The following SHB variants were observed in gnomAD, a reference collection of about 807,000 sequenced individuals.
SHB encodes SH2 domain containing adaptor protein B.
In SHB, 20 loss-of-function variants were observed where a neutral mutation model predicts 52.3. The ratio of observed to expected loss-of-function variants is 0.38; its 90% CI spans 0.27 to 0.56. SHB has a LOEUF of 0.56. Ranked by LOEUF, SHB falls within the 20% of genes least tolerant of loss-of-function variation. SHB has a pLI of 0.71. For missense variants in SHB, 825 were observed against 723.3 expected (o/e 1.14, Z -1.61); for synonymous variants, 397 against 316.5 (o/e 1.25, Z -2.70).
rs533918232 is a variant in SHB at position 38,029,553 on chromosome 9, G to A, written c.718-13422C>T. ...GTTGCCCAGGGTGAAGTGCAATGGC[G>A]TGATCTAGGCTCACTGCAACCTCCA... On this transcript the variant is annotated intron_variant, in intron 1 of 5. Coordinates refer to ENST00000377707, the MANE Select transcript of SHB (RefSeq NM_003028.3). Among the ~76,000 whole-genome samples, 3 of 151,820 alleles carry A rather than the reference G, an allele frequency of 2.0e-5. No homozygotes were observed. In the East Asian group the frequency reaches 5.8e-4, roughly 29 times the overall value.
intron 2 of SHB, among the ~76,000 whole-genome samples, chr9:37,988,765 CT>C (rs1260969393): frequency 1.3e-5 from 2 of 152,230 alleles, no homozygotes; most frequent in African/African-American, 2.4e-5. Flanking sequence ...TTGCACACCC[CT>C]CCTTGTTGGT....
At chr9:37,941,196 T>A (rs1254222344) in intron 5 of SHB, among the ~76,000 whole-genome samples, 1 of 152,090 alleles carries the variant, frequency 6.6e-6, no homozygotes, top group Non-Finnish European at 1.5e-5. Flanking sequence ...CCCAGACAAT[T>A]TGCAATGCAC....
intron 1 of SHB, among the ~76,000 whole-genome samples, chr9:38,027,278 C>G (rs78179028): frequency 6.8e-4 from 104 of 152,314 alleles, no homozygotes; most frequent in African/African-American, 2.2e-3. Flanking sequence ...CTATGGAGCT[C>G]TACTTTCTCT....
At chr9:37,925,650 C>G (rs781521399) in intron 5 of SHB, among the ~76,000 whole-genome samples, 1 of 152,238 alleles carries the variant, frequency 6.6e-6, no homozygotes, top group Admixed American at 6.5e-5. Context: ...TACTCAGGCT[C>G]TAAGTGGCTG....
intron 1 of SHB, among the ~76,000 whole-genome samples, chr9:38,044,664 TAG>T (rs1160851992): frequency 4.6e-5 from 7 of 152,240 alleles, no homozygotes; most frequent in Non-Finnish European, 1.5e-5. Context: ...GCCTAAAATG[TAG>T]AGTCTTGGCT....
intron 1 of SHB, among the ~76,000 whole-genome samples, chr9:38,021,236 A>C (rs1821279071): frequency 6.6e-6 from 1 of 152,138 alleles, no homozygotes; most frequent in Non-Finnish European, 1.5e-5. Context: ...GCTACTTGGG[A>C]GGCTGAGGCA....
At chr9:38,061,069 C>T (rs748001140) in intron 1 of SHB, among the ~76,000 whole-genome samples, 9 of 152,184 alleles carry the variant, frequency 5.9e-5, no homozygotes, top group Non-Finnish European at 1.3e-4. Context: ...CAGTGGCTCA[C>T]ACCTGTAATC....
At chr9:38,064,486 T>C (rs763838829) in intron 1 of SHB, among the ~76,000 whole-genome samples, 10 of 152,186 alleles carry the variant, frequency 6.6e-5, no homozygotes, top group Non-Finnish European at 1.3e-4. Flanking sequence ...TGTATACACT[T>C]ACATATACAC....
At chr9:38,014,618 T>C (rs1374188402) in intron 2 of SHB, among the ~76,000 whole-genome samples, 4 of 152,216 alleles carry the variant, frequency 2.6e-5, no homozygotes, top group African/African-American at 7.2e-5. Context: ...ATTAGAAAGA[T>C]GGGAGTGGGC....
At chr9:37,995,122 C>T (rs777820437) in intron 2 of SHB, among the ~76,000 whole-genome samples, 27 of 152,152 alleles carry the variant, frequency 1.8e-4, no homozygotes, top group African/African-American at 5.8e-4. Flanking sequence ...CTTCCTCACT[C>T]GAGAACAGGC....
intron 1 of SHB, among the ~76,000 whole-genome samples, chr9:38,049,643 A>G (rs928907086): frequency 6.6e-6 from 1 of 151,166 alleles, no homozygotes; most frequent in Non-Finnish European, 1.5e-5. Flanking sequence ...AGCAAAAAAA[A>G]AAAAAAAAAG....
At chr9:38,025,267 G>A (rs1036742747) in intron 1 of SHB, among the ~76,000 whole-genome samples, 6 of 152,082 alleles carry the variant, frequency 3.9e-5, no homozygotes, top group South Asian at 4.1e-4. Context: ...TGACTTAGCC[G>A]CCCCTCATTC....
intron 2 of SHB, among the ~76,000 whole-genome samples, chr9:38,004,728 G>A (rs562755561): frequency 1.3e-5 from 2 of 152,300 alleles, no homozygotes; most frequent in Non-Finnish European, 2.9e-5. Context: ...GTGTGGCTGG[G>A]GGCACGGGCA....
intron 2 of SHB, among the ~76,000 whole-genome samples, chr9:38,012,392 C>A (rs1821151174): frequency 6.6e-6 from 1 of 152,134 alleles, no homozygotes; most frequent in African/African-American, 2.4e-5. Flanking sequence ...CTCCATTAGT[C>A]AAGTGGGCAG....
intron 5 of SHB, among the ~76,000 whole-genome samples, chr9:37,942,638 T>G (rs899766644): frequency 2.0e-5 from 3 of 152,218 alleles, no homozygotes; most frequent in African/African-American, 7.2e-5. Context: ...CCTTACTTCT[T>G]GCTGAGGCAA....
intron 1 of SHB, among the ~76,000 whole-genome samples, chr9:38,062,643 G>C (rs979197549): frequency 6.6e-6 from 1 of 152,174 alleles, no homozygotes. Flanking sequence ...GCCTAGCCAG[G>C]ATCAGCAGGG....
intron 2 of SHB, among the ~76,000 whole-genome samples, chr9:37,996,202 C>G (rs1333371036): frequency 6.6e-6 from 1 of 152,220 alleles, no homozygotes; most frequent in South Asian, 2.1e-4. Flanking sequence ...AGGAAGCCAC[C>G]AGGCCATCTG....
At chr9:38,028,965 G>C (rs182908722) in intron 1 of SHB, among the ~76,000 whole-genome samples, 13 of 152,234 alleles carry the variant, frequency 8.5e-5, no homozygotes, top group East Asian at 1.9e-4. Flanking sequence ...AGCCCTCCAG[G>C]GCCAGGGCAT....
chr9:38,020,929 C>T (rs1253092713), intron 1 of SHB, among the ~76,000 whole-genome samples: 1 of 152,218 alleles, frequency 6.6e-6, no homozygotes, highest in Non-Finnish European at 1.5e-5. Context: ...TCTCAGCAAA[C>T]TCGTTCTAGG....
Sources: allele counts gnomAD v4.1 joint callset (sites outside exome capture counted in the v4.1 genomes callset), GRCh38; gene constraint gnomAD v4.1.1; transcripts MANE v1.5; gene names NCBI Gene and HGNC (gene_info 2026-07-23, HGNC 2026-07-21).